Variants in CACNA1E observed in about 807,000 individuals in gnomAD.
The protein encoded by CACNA1E is voltage-dependent R-type calcium channel subunit alpha-1E.
Under a neutral mutation model 259.2 loss-of-function variants are expected in CACNA1E, and 40 were observed. The observed-to-expected ratio is 0.15, with a 90% CI of 0.12 to 0.20. CACNA1E has a LOEUF of 0.20. Among genes scored for constraint, CACNA1E ranks in the 10% least tolerant of loss-of-function variants. The pLI is 1.00. For missense variants in CACNA1E, 1,874 were observed against 3,040.1 expected (o/e 0.62, Z 9.02); for synonymous variants, 1,104 against 1,138.5 (o/e 0.97, Z 0.61).
At chr1:181,745,980 G>A (rs1231114953) in intron 25 of CACNA1E, among the ~76,000 whole-genome samples, 1 of 152,180 alleles carries the variant, frequency 6.6e-6, no homozygotes, top group African/African-American at 2.4e-5. Flanking sequence ...GGGAGTGTGT[G>A]TGAGGAGCTC....
In CACNA1E at chr1:181,798,389, C is replaced by T; in HGVS notation, c.6497C>T (p.Pro2166Leu). 1 of 1,613,424 alleles carries T rather than the reference C, an allele frequency of 6.2e-7. No homozygotes were observed. The highest frequency in any genetic ancestry group is 8.5e-7 in the Non-Finnish European group (1 of 1,179,876). Residue 2166 changes from proline (P) to leucine (L), a missense_variant, in exon 48 of 48, where the codon CCC becomes CTC. Pro to Leu is a moderately conservative substitution (Grantham distance 98, BLOSUM62 -3). Transcript: ENST00000367573. The surrounding 1 kb of genome is among the most constrained non-coding windows in gnomAD (Gnocchi z 4.2). ...CAGCTCCCACCCGTCCCGCCAAAGC[C>T]CCGGCCCCTCCTTTCCTACAGCTCC... The part of the protein sequence containing the change: ...RRQLPPVPPK[P>L]RPLLSYSSLI...
chr1:181,527,723 A>G (rs1328807040), intron 3 of CACNA1E, among the ~76,000 whole-genome samples: 1 of 152,064 alleles, frequency 6.6e-6, no homozygotes, highest in African/African-American at 2.4e-5. Flanking sequence ...CTTCTAGTTC[A>G]TTACTTACTT....
chr1:181,745,284 T>C (rs910290717), intron 25 of CACNA1E: 4 of 431,506 alleles, frequency 9.3e-6, no homozygotes, highest in Admixed American at 2.9e-5. Flanking sequence ...GAATATTCAC[T>C]TTGAGACCTT....
At chr1:181,790,604 G>A in intron 44 of CACNA1E, 48 bp downstream of exon 44, 1 of 1,124,316 alleles carries the variant, frequency 8.9e-7, no homozygotes, top group Non-Finnish European at 1.4e-6. Flanking sequence ...TTGGTTTCCT[G>A]ATCCCTCTCA....
At chr1:181,567,964 TAC>T (rs1444411239) in intron 3 of CACNA1E, among the ~76,000 whole-genome samples, 11 of 151,724 alleles carry the variant, frequency 7.3e-5, no homozygotes, top group Admixed American at 5.9e-4. Context: ...CACATATATA[TAC>T]ACACACACAC....
chr1:181,416,779 C>T (rs958970980), intron 2 of CACNA1E, among the ~76,000 whole-genome samples: 10 of 152,184 alleles, frequency 6.6e-5, no homozygotes, highest in African/African-American at 1.7e-4. Flanking sequence ...GCGTGCATGT[C>T]ATCAGATAAT....
intron 6 of CACNA1E, among the ~76,000 whole-genome samples, chr1:181,592,432 G>A (rs984078244): frequency 6.8e-6 from 1 of 146,040 alleles, no homozygotes; most frequent in African/African-American, 2.6e-5. Context: ...AGGGACTATG[G>A]CTGCTGCAGC....
intron 3 of CACNA1E, among the ~76,000 whole-genome samples, chr1:181,529,288 C>T (rs1420922859): frequency 6.6e-6 from 1 of 152,222 alleles, no homozygotes; most frequent in African/African-American, 2.4e-5. Context: ...TGGGAACCTC[C>T]ACCTAGATTT....
At chr1:181,724,870 T>C (rs1186950715) in intron 17 of CACNA1E, among the ~76,000 whole-genome samples, 1 of 152,248 alleles carries the variant, frequency 6.6e-6, no homozygotes, top group Non-Finnish European at 1.5e-5. Context: ...CCACCTCTGC[T>C]ACTGCAACCT....
rs190617529 is a variant in CACNA1E at position 181,665,037 on chromosome 1, A to G, written c.1055+13596A>G. Among the ~76,000 whole-genome samples the G allele has an allele frequency of 2.8e-3, 422 of 152,288 alleles. 2 individuals are homozygous for G. The highest frequency in any genetic ancestry group is 6.8e-3 in the South Asian group (33 of 4,824). On this transcript the variant is annotated intron_variant, in intron 7 of 47. Coordinates refer to ENST00000367573, the MANE Select transcript of CACNA1E (RefSeq NM_001205293.3). ...TTCTCTGTTCAAGTTTTCACACATGAAATTTCTGGTTGACCAAGTTCTTAG... is the reference window on the plus strand; with the variant it reads ...TTCTCTGTTCAAGTTTTCACACATGGAATTTCTGGTTGACCAAGTTCTTAG...
intron 1 of CACNA1E, among the ~76,000 whole-genome samples, chr1:181,372,738 GCT>G: frequency 6.6e-6 from 1 of 151,620 alleles, no homozygotes; most frequent in Middle Eastern, 3.4e-3. Context: ...TGTCATGGGG[GCT>G]CTCATTATTT....
chr1:181,590,864 C>T (rs145296468), intron 6 of CACNA1E, among the ~76,000 whole-genome samples: 1 of 151,484 alleles, frequency 6.6e-6, no homozygotes, highest in African/African-American at 2.4e-5. Flanking sequence ...TTGATGGCAT[C>T]CATAAATTTT....
At chr1:181,399,270 A>G (rs1571767911) in intron 1 of CACNA1E, among the ~76,000 whole-genome samples, 1 of 151,774 alleles carries the variant, frequency 6.6e-6, no homozygotes, top group East Asian at 1.9e-4. Flanking sequence ...AGCAAATGAA[A>G]AATCTTGTGG....
At chr1:181,425,095 T>G (rs921053266) in intron 2 of CACNA1E, among the ~76,000 whole-genome samples, 1 of 152,360 alleles carries the variant, frequency 6.6e-6, no homozygotes, top group East Asian at 1.9e-4. Context: ...TCAGAAGAGA[T>G]ATTTTTTCTT....
At chr1:181,345,284 C>T (rs552762209) in intron 1 of CACNA1E, among the ~76,000 whole-genome samples, 1 of 152,362 alleles carries the variant, frequency 6.6e-6, no homozygotes, top group East Asian at 1.9e-4. Context: ...CTTGTAAAGC[C>T]TCCTAATAAG....
At chr1:181,671,932 A>T (rs1326421580) in intron 7 of CACNA1E, among the ~76,000 whole-genome samples, 2 of 152,228 alleles carry the variant, frequency 1.3e-5, no homozygotes, top group Non-Finnish European at 2.9e-5. Flanking sequence ...AGACACATGC[A>T]TGTGAATGTT....
chr1:181,513,794 G>C (rs1356179185), intron 3 of CACNA1E, among the ~76,000 whole-genome samples: 1 of 152,182 alleles, frequency 6.6e-6, no homozygotes, highest in Non-Finnish European at 1.5e-5. Flanking sequence ...ATGTCCAGGG[G>C]GTGTTCAAGA....
chr1:181,471,430 C>T (rs898068486), intron 2 of CACNA1E, among the ~76,000 whole-genome samples: 4 of 152,182 alleles, frequency 2.6e-5, no homozygotes, highest in African/African-American at 9.7e-5. Flanking sequence ...GCTAACCATA[C>T]CTATGTTGTA....
intron 6 of CACNA1E, among the ~76,000 whole-genome samples, chr1:181,644,141 A>G (rs1658051308): frequency 6.6e-6 from 1 of 152,160 alleles, no homozygotes; most frequent in Non-Finnish European, 1.5e-5. Context: ...GTAAGATCCT[A>G]GTGGTGACTG....
Sources: allele counts gnomAD v4.1 joint callset (sites outside exome capture counted in the v4.1 genomes callset), GRCh38; gene constraint gnomAD v4.1.1; non-coding constraint Gnocchi (gnomAD v3.1); transcripts MANE v1.5; gene names NCBI Gene and HGNC (gene_info 2026-07-23, HGNC 2026-07-21).